TRIM37: variants seen among roughly 807,000 people sequenced by gnomAD.
TRIM37 encodes E3 ubiquitin-protein ligase TRIM37.
TRIM37 carries 80 observed loss-of-function variants against 129.8 expected under a neutral mutation model. The observed-to-expected ratio is 0.62, with a 90% confidence interval of 0.51 to 0.74. The LOEUF is 0.74. TRIM37 is among the 30% of genes least tolerant of loss of function. TRIM37 has a pLI of 0.00. For missense variants in TRIM37, 1,054 were observed against 1,176.5 expected (o/e 0.90, Z 1.52); for synonymous variants, 389 against 387.1 (o/e 1.00, Z -0.06).
chr17:59,062,160 A>G (rs1378391147), intron 11 of TRIM37, among the ~76,000 whole-genome samples: 1 of 152,256 alleles, frequency 6.6e-6, no homozygotes, highest in Non-Finnish European at 1.5e-5. Context: ...CATCTAGGCA[A>G]TATCACCAAA....
rs114944639 is a variant in TRIM37, at chr17:59,087,942, G to T, written c.281+349C>A. ...AACATAAGACCATTTATTCATTCTTGTCCCTTAAATGACTTAACACTGTAT... is the reference window on the plus strand; with the variant it reads ...AACATAAGACCATTTATTCATTCTTTTCCCTTAAATGACTTAACACTGTAT... On this transcript the variant is annotated intron_variant, in intron 4 of 23. Transcript: ENST00000262294. 620 of 402,460 alleles carry T rather than the reference G, an allele frequency of 1.5e-3. 3 individuals are homozygous for T. Among genetic ancestry groups the T allele is most frequent in the African/African-American group, 0.012 (579 of 49,522 alleles). The allele number at this position is 402,460 out of a possible 1,614,324, so 24.9% of individuals were successfully genotyped here. A position where few individuals can be genotyped will look rare whatever the true frequency, so the allele number is the denominator to read the frequency against.
chr17:59,095,534 C>T (rs2044770190), intron 2 of TRIM37, among the ~76,000 whole-genome samples: 1 of 152,086 alleles, frequency 6.6e-6, no homozygotes, highest in African/African-American at 2.4e-5. Flanking sequence ...AGAAAACAGG[C>T]AGTAAATAGG....
chr17:58,996,791 T>C (rs746939196), downstream of TRIM37, among the ~76,000 whole-genome samples: 233 of 134,090 alleles, frequency 1.7e-3, no homozygotes, highest in Non-Finnish European at 3.0e-3. Context: ...AGTATATATA[T>C]ATGTGTGTGT....
At chr17:59,072,947 G>GT (rs1408356395) in intron 8 of TRIM37, 3 of 152,084 alleles carry the variant, frequency 2.0e-5, no homozygotes, top group African/African-American at 7.2e-5. Context: ...AGGCATTACG[G>GT]TTTTTTGAAC....
intron 24 of TRIM37, among the ~76,000 whole-genome samples, chr17:58,985,842 CTT>C (rs1377293795): frequency 6.6e-6 from 1 of 151,850 alleles, no homozygotes; most frequent in Non-Finnish European, 1.5e-5. Flanking sequence ...CTTGGCATGA[CTT>C]TATATAGAAC....
intron 2 of TRIM37, among the ~76,000 whole-genome samples, chr17:59,103,203 A>G (rs1354174468): frequency 1.3e-5 from 2 of 152,190 alleles, no homozygotes; most frequent in Non-Finnish European, 2.9e-5. Flanking sequence ...GGTGAAGAGC[A>G]TGTGACCTCT....
intron 7 of TRIM37, among the ~76,000 whole-genome samples, chr17:59,079,255 AAAG>A (rs1408556626): frequency 1.3e-5 from 2 of 152,208 alleles, no homozygotes; most frequent in African/African-American, 4.8e-5. Flanking sequence ...CTCCACAATC[AAAG>A]AAGAATGAAG....
intron 8 of TRIM37, among the ~76,000 whole-genome samples, chr17:59,075,177 C>T (rs2042697439): frequency 6.6e-6 from 1 of 152,034 alleles, no homozygotes; most frequent in African/African-American, 2.4e-5. Flanking sequence ...TCAGCTGATT[C>T]CTAATTTCAT....
At chr17:59,062,446 G>T in intron 11 of TRIM37, 121 bp downstream of exon 11, 1 of 780,980 alleles carries the variant, frequency 1.3e-6, no homozygotes, top group Non-Finnish European at 2.2e-6. Flanking sequence ...CAGGGAATGC[G>T]GACAGCATAT....
intron 24 of TRIM37, among the ~76,000 whole-genome samples, chr17:58,991,799 T>C (rs2032433520): frequency 6.6e-6 from 1 of 152,282 alleles, no homozygotes; most frequent in South Asian, 2.1e-4. Context: ...ACTGGAACTC[T>C]CATGTGCTAC....
intron 13 of TRIM37, among the ~76,000 whole-genome samples, chr17:59,054,576 A>G (rs1179456251): frequency 1.3e-5 from 2 of 152,194 alleles, no homozygotes; most frequent in African/African-American, 2.4e-5. Context: ...TGCTGGGATT[A>G]CAGGCGTGAG....
At chr17:59,027,621 C>G (rs760140788) in intron 19 of TRIM37, among the ~76,000 whole-genome samples, 2 of 152,240 alleles carry the variant, frequency 1.3e-5, no homozygotes, top group Non-Finnish European at 2.9e-5. Context: ...TCTCACAATT[C>G]CTGTCCTCAA....
At chr17:59,101,655 C>CAAAAAAA (rs763661189) in intron 2 of TRIM37, among the ~76,000 whole-genome samples, 2 of 58,762 alleles carry the variant, frequency 3.4e-5, no homozygotes, top group Non-Finnish European at 6.6e-5. Context: ...CCCATCTCTA[C>CAAAAAAA]AAAAAAAAAA....
chr17:59,008,485 T>C (rs1289713379), intron 22 of TRIM37, among the ~76,000 whole-genome samples: 1 of 152,208 alleles, frequency 6.6e-6, no homozygotes, highest in Non-Finnish European at 1.5e-5. Flanking sequence ...TCAATTAGCT[T>C]TAAATAAGAA....
At position 59,029,347 on chromosome 17, in the gene TRIM37, A is replaced by C. The variant is rs144226495; in HGVS notation, c.1949-624T>G. ...CTTTCTGAAATACGGTTTGAATCTA[A>C]CCACTTCTAAAATAAAACAATAGCT... On this transcript the variant is annotated intron_variant, in intron 18 of 23. Transcript: ENST00000262294. 2.8e-3 allele frequency among the ~76,000 whole-genome samples: 423 copies of C among 152,276 alleles called. 2 individuals are homozygous for C. Among genetic ancestry groups the C allele is most frequent in the African/African-American group, 9.8e-3 (408 of 41,580 alleles).
chr17:59,046,971 G>A (rs1200000468), intron 16 of TRIM37, among the ~76,000 whole-genome samples: 1 of 150,668 alleles, frequency 6.6e-6, no homozygotes, highest in African/African-American at 2.4e-5. Flanking sequence ...TGGCTAACAC[G>A]GTGAAACCCC....
At chr17:58,996,944 A>C (rs567315522), downstream of TRIM37, among the ~76,000 whole-genome samples, 2 of 152,192 alleles carry the variant, frequency 1.3e-5, no homozygotes, top group South Asian at 4.1e-4. Context: ...TCAAACCCAA[A>C]TAAGAAGAAC....
intron 22 of TRIM37, among the ~76,000 whole-genome samples, chr17:59,003,462 G>A (rs2034048511): frequency 1.3e-5 from 2 of 152,072 alleles, no homozygotes; most frequent in Admixed American, 1.3e-4. Flanking sequence ...AATGGAGCAA[G>A]CACATTCCAC....
In TRIM37 at chr17:59,064,326, A is replaced by T. The variant is rs370704240; in HGVS notation, c.860+29T>A. 148 of 1,571,876 alleles carry T rather than the reference A, an allele frequency of 9.4e-5. No homozygotes were observed. Among genetic ancestry groups the T allele is most frequent in the Middle Eastern group, 1.7e-4 (1 of 5,880 alleles). ...TGGCTCTTCCTTATATACACATACA[A>T]AAAAACCAGAATTGTCAAAAACTCT... On this transcript the variant is annotated intron_variant, in intron 10 of 23. Transcript: ENST00000262294.
Sources: allele counts gnomAD v4.1 joint callset (sites outside exome capture counted in the v4.1 genomes callset), GRCh38; gene constraint gnomAD v4.1.1; transcripts MANE v1.5; gene names NCBI Gene and HGNC (gene_info 2026-07-23, HGNC 2026-07-21).